ASTN2: variants seen among roughly 807,000 people sequenced by gnomAD.
The protein encoded by ASTN2 is astrotactin 2, also known as astrotactin-2.
Under a neutral mutation model 139.8 loss-of-function variants are expected in ASTN2, and 54 were observed. That is an observed-to-expected ratio of 0.39 (90% confidence interval 0.31 to 0.48). The LOEUF is 0.48. Among genes scored for constraint, ASTN2 ranks in the 20% least tolerant of loss-of-function variants. The pLI is 0.95. For synonymous variants in ASTN2, 756 were observed against 719.5 expected (o/e 1.05, Z -0.81); for missense variants, 1,565 against 1,725.1 (o/e 0.91, Z 1.64).
intron 12 of ASTN2, among the ~76,000 whole-genome samples, chr9:116,808,799 A>G (rs555664200): frequency 2.0e-5 from 3 of 152,272 alleles, no homozygotes; most frequent in African/African-American, 7.2e-5. Context: ...TGAATGGGAG[A>G]TCCTATTTTT....
chr9:116,801,610 A>AAG (rs1830860269), intron 13 of ASTN2, among the ~76,000 whole-genome samples: 1 of 139,860 alleles, frequency 7.2e-6, no homozygotes, highest in African/African-American at 2.6e-5. Flanking sequence ...AAAAAAAAAA[A>AAG]AAAGAAAGAA....
intron 7 of ASTN2, among the ~76,000 whole-genome samples, chr9:116,978,816 TG>T (rs1302718594): frequency 6.6e-6 from 1 of 152,178 alleles, no homozygotes; most frequent in Non-Finnish European, 1.5e-5. Flanking sequence ...CTCTCATCTT[TG>T]TTTCATCTAA....
chr9:116,533,543 C>G (rs528352996), intron 19 of ASTN2, among the ~76,000 whole-genome samples: 1 of 152,134 alleles, frequency 6.6e-6, no homozygotes, highest in East Asian at 1.9e-4. Context: ...CCATCAACAC[C>G]TAATTTACTG....
At chr9:117,277,961 C>A (rs979027858) in intron 2 of ASTN2, among the ~76,000 whole-genome samples, 1 of 152,146 alleles carries the variant, frequency 6.6e-6, no homozygotes, top group Admixed American at 6.5e-5. Flanking sequence ...AACATAGACA[C>A]AAAAAAATTT....
intron 5 of ASTN2, among the ~76,000 whole-genome samples, chr9:117,065,157 C>A (rs1381621188): frequency 6.6e-6 from 1 of 152,064 alleles, no homozygotes; most frequent in Non-Finnish European, 1.5e-5. Context: ...CTCCAGGAGG[C>A]TAGGAGGAAG....
chr9:116,732,471 T>C (rs760561524), intron 14 of ASTN2, among the ~76,000 whole-genome samples: 24 of 152,062 alleles, frequency 1.6e-4, no homozygotes, highest in Admixed American at 3.9e-4. Flanking sequence ...GATTGTGGGG[T>C]CTTCCCTGGG....
At chr9:117,374,609 A>G (rs553762989) in intron 1 of ASTN2, among the ~76,000 whole-genome samples, 1 of 152,268 alleles carries the variant, frequency 6.6e-6, no homozygotes, top group Admixed American at 6.5e-5. Context: ...TAATTCAAAT[A>G]CAAAAGAAGG....
At chr9:117,292,362 C>G (rs1247203610) in intron 1 of ASTN2, among the ~76,000 whole-genome samples, 1 of 152,104 alleles carries the variant, frequency 6.6e-6, no homozygotes, top group East Asian at 1.9e-4. Context: ...AAAAAAGGGT[C>G]ATGGCATAAG....
intron 1 of ASTN2, among the ~76,000 whole-genome samples, chr9:117,323,404 C>T (rs577569837): frequency 1.3e-5 from 2 of 152,054 alleles, no homozygotes; most frequent in Admixed American, 1.3e-4. Flanking sequence ...TACCCAACGT[C>T]TGGAATTAAC....
chr9:116,936,987 A>C (rs574178698), intron 10 of ASTN2, among the ~76,000 whole-genome samples: 53 of 152,156 alleles, frequency 3.5e-4, no homozygotes, highest in Non-Finnish European at 6.8e-4. Context: ...AGGACCCTTC[A>C]TTGTTTGAAT....
intron 11 of ASTN2, among the ~76,000 whole-genome samples, chr9:116,835,592 C>T (rs531069519): frequency 6.6e-6 from 1 of 152,210 alleles, no homozygotes; most frequent in South Asian, 2.1e-4. Context: ...ATCCCTATAT[C>T]CCTATAGTCT....
intron 2 of ASTN2, among the ~76,000 whole-genome samples, chr9:117,221,196 C>T (rs1013872762): frequency 6.6e-6 from 1 of 152,106 alleles, no homozygotes; most frequent in Non-Finnish European, 1.5e-5. Context: ...TTACTTTCTC[C>T]AATGCCAGTG....
chr9:116,916,115 G>A (rs141771392), intron 10 of ASTN2, among the ~76,000 whole-genome samples: 110 of 152,280 alleles, frequency 7.2e-4, no homozygotes, highest in African/African-American at 2.6e-3. Context: ...CCCTACATTT[G>A]GTGTTGGAAG....
intron 19 of ASTN2, among the ~76,000 whole-genome samples, chr9:116,512,397 T>A (rs1230268537): frequency 1.3e-5 from 2 of 152,206 alleles, no homozygotes; most frequent in African/African-American, 4.8e-5. Flanking sequence ...TCTTTTACAT[T>A]TGCTGAGGAA....
chr9:116,841,247 T>C (rs3860179), intron 11 of ASTN2, among the ~76,000 whole-genome samples: 128,039 of 151,882 alleles, frequency 0.84, 54,179 homozygotes, highest in East Asian at 0.95. Flanking sequence ...CGTGGCGGCG[T>C]GCACCTGCAA....
At chr9:117,044,428 G>A (rs755214762) in intron 5 of ASTN2, among the ~76,000 whole-genome samples, 1 of 152,190 alleles carries the variant, frequency 6.6e-6, no homozygotes, top group South Asian at 2.1e-4. Flanking sequence ...AGCAGCAGAG[G>A]GGTGTGGGGA....
intron 6 of ASTN2, among the ~76,000 whole-genome samples, chr9:117,016,665 ATATGTTACATATATATAGGT>A (rs1275649962): frequency 4.3e-5 from 6 of 137,958 alleles, no homozygotes; most frequent in African/African-American, 1.4e-4. Flanking sequence ...TAACCTATAT[ATATGTTACATATATATAGGT>A]TATATATATA....
chr9:117,118,398 G>A (rs1829457774), intron 4 of ASTN2, among the ~76,000 whole-genome samples: 1 of 151,694 alleles, frequency 6.6e-6, no homozygotes, highest in African/African-American at 2.4e-5. Flanking sequence ...CCAGATCTAA[G>A]TCCCATTGTC....
intron 16 of ASTN2, among the ~76,000 whole-genome samples, chr9:116,664,388 T>C (rs769619526): frequency 6.6e-6 from 1 of 150,390 alleles, no homozygotes; most frequent in Non-Finnish European, 1.5e-5. Flanking sequence ...CCCAGAGCAC[T>C]GTTTAGAGTG....
Sources: gnomAD v4.1 joint callset for allele counts (sites outside exome capture counted in the v4.1 genomes callset) on GRCh38, gnomAD v4.1.1 for gene constraint, MANE v1.5 for transcripts, NCBI Gene and HGNC (gene_info 2026-07-23, HGNC 2026-07-21) for gene names.